The following CDC42BPA variants were observed in gnomAD, a reference collection of about 807,000 sequenced individuals.
CDC42BPA encodes serine/threonine-protein kinase MRCK alpha.
Under a neutral mutation model 223.5 loss-of-function variants are expected in CDC42BPA, and 80 were observed. The observed-to-expected ratio is 0.36, with a 90% CI of 0.30 to 0.43. The LOEUF (loss-of-function observed/expected upper bound fraction) is 0.43. CDC42BPA is among the 20% of genes least tolerant of loss of function. The probability of loss-of-function intolerance (pLI) is 1.00; values close to 1 mark genes in which losing one functional copy is unlikely to be tolerated. For missense variants in CDC42BPA, 1,743 were observed against 2,099.9 expected, an observed-to-expected ratio of 0.83 and a Z score of 3.32; for synonymous variants, 694 against 718.6, an observed-to-expected ratio of 0.97 and a Z score of 0.55.
intron 2 of CDC42BPA, among the ~76,000 whole-genome samples, chr1:227,249,579 GA>G (rs1157043699): frequency 1.1e-4 from 17 of 151,880 alleles, no homozygotes; most frequent in African/African-American, 3.9e-4. Flanking sequence ...AATATACAAG[GA>G]ATTCAAACAA....
intron 2 of CDC42BPA, among the ~76,000 whole-genome samples, chr1:227,227,201 T>G (rs1677009050): frequency 6.6e-6 from 1 of 152,024 alleles, no homozygotes; most frequent in Non-Finnish European, 1.5e-5. Context: ...CTTTCATATT[T>G]TTCAAGAAAA....
At position 227,162,485 on chromosome 1, in the gene CDC42BPA, C is replaced by T. The variant is rs192553309; in HGVS notation, c.600-1849G>A. 1.6e-3 allele frequency among the ~76,000 whole-genome samples: 237 copies of T among 152,242 alleles called. 2 individuals are homozygous for T. Among genetic ancestry groups the T allele is most frequent in the African/African-American group, 5.4e-3 (226 of 41,534 alleles). ...TTTTAAAATGTCTTTATAAATGACA[C>T]CAAACTGTGCATTGCCTTTTGCAAC... On this transcript the variant is annotated intron_variant, in intron 5 of 36. Coordinates refer to ENST00000366766, the MANE Select transcript of CDC42BPA (RefSeq NM_001394014.1).
intron 15 of CDC42BPA, among the ~76,000 whole-genome samples, chr1:227,100,777 T>TGTGTGTGTGTGTGTGTGTGTGTGCGC (rs777124731): frequency 1.9e-4 from 25 of 128,510 alleles, no homozygotes; most frequent in African/African-American, 6.8e-4. Flanking sequence ...TGTGTGTGTG[T>TGTGTGTGTGTGTGTGTGTGTGTGCGC]GCGTGTGCCA....
chr1:227,046,163 C>T (rs1672405655), intron 23 of CDC42BPA, among the ~76,000 whole-genome samples: 1 of 152,054 alleles, frequency 6.6e-6, no homozygotes, highest in Admixed American at 6.5e-5. Flanking sequence ...GGAATCTTAA[C>T]ATTTTTAAGA....
intron 33 of CDC42BPA, among the ~76,000 whole-genome samples, chr1:227,016,502 T>C (rs567146346): frequency 4.5e-4 from 69 of 152,302 alleles, no homozygotes; most frequent in African/African-American, 1.6e-3. Flanking sequence ...TAAAAATGAT[T>C]GGTAACACTT....
At chr1:227,316,319 T>C (rs896406530) in intron 1 of CDC42BPA, among the ~76,000 whole-genome samples, 6 of 152,174 alleles carry the variant, frequency 3.9e-5, no homozygotes, top group Non-Finnish European at 8.8e-5. Flanking sequence ...CTAAATCACA[T>C]CTATATTTAG....
intron 10 of CDC42BPA, among the ~76,000 whole-genome samples, chr1:227,137,728 C>CA (rs1416662579): frequency 6.7e-6 from 1 of 148,866 alleles, no homozygotes; most frequent in East Asian, 2.0e-4. Flanking sequence ...GGGTGAATTT[C>CA]AAAAAACAAG....
chr1:227,168,145 A>G (rs1665380397), intron 5 of CDC42BPA, among the ~76,000 whole-genome samples: 1 of 152,040 alleles, frequency 6.6e-6, no homozygotes, highest in Non-Finnish European at 1.5e-5. Context: ...GGCTGGTCTC[A>G]AACTCCTAAC....
intron 1 of CDC42BPA, among the ~76,000 whole-genome samples, chr1:227,257,044 T>G (rs574974762): frequency 7.2e-5 from 11 of 151,956 alleles, no homozygotes; most frequent in African/African-American, 2.7e-4. Context: ...TGCTATAATG[T>G]GGATAAATCT....
At chr1:227,186,389 C>A (rs1668777351) in intron 5 of CDC42BPA, among the ~76,000 whole-genome samples, 1 of 152,102 alleles carries the variant, frequency 6.6e-6, no homozygotes, top group African/African-American at 2.4e-5. Context: ...AGAGCCTAAT[C>A]TGTTTGGAAT....
At chr1:227,004,060 T>A (rs538407739) in intron 35 of CDC42BPA, 1 of 151,952 alleles carries the variant, frequency 6.6e-6, no homozygotes, top group South Asian at 2.1e-4. Context: ...ATACATTTTT[T>A]TTTTTTTTTT....
intron 2 of CDC42BPA, among the ~76,000 whole-genome samples, chr1:227,244,440 A>C (rs557276339): frequency 1.2e-4 from 18 of 145,042 alleles, no homozygotes; most frequent in African/African-American, 4.6e-4. Context: ...AAGCAAAAAA[A>C]ATCTATGGTG....
chr1:227,308,736 T>C (rs933037148), intron 1 of CDC42BPA, among the ~76,000 whole-genome samples: 1 of 152,206 alleles, frequency 6.6e-6, no homozygotes, highest in Non-Finnish European at 1.5e-5. Flanking sequence ...TTTTCCAGTA[T>C]ATTGGTTTAG....
In CDC42BPA at chr1:227,317,092, A is replaced by ATG; in HGVS notation, c.89_90dup (p.Leu31HisfsTer18). On this transcript the variant is annotated frameshift_variant, in exon 1 of 37. Transcript: ENST00000366766. LOFTEE classifies it high-confidence loss of function. ...TAAAGGCAGATGAGTATATCCAGTA[A>ATG]TGTCTCCACACTGAAGCACTGCCCA... 1 of 1,614,050 alleles carries ATG rather than the reference A, an allele frequency of 6.2e-7. No individual in the cohort carries two copies. Among genetic ancestry groups the ATG allele is most frequent in the Non-Finnish European group, 8.5e-7 (1 of 1,179,936 alleles).
At chr1:227,302,238 T>C (rs1288129831) in intron 1 of CDC42BPA, among the ~76,000 whole-genome samples, 1 of 152,212 alleles carries the variant, frequency 6.6e-6, no homozygotes, top group Non-Finnish European at 1.5e-5. Context: ...AATCAACTCA[T>C]TCCAGTTTGC....
intron 1 of CDC42BPA, among the ~76,000 whole-genome samples, chr1:227,262,417 CAGAG>C (rs957697208): frequency 6.6e-6 from 1 of 151,948 alleles, no homozygotes; most frequent in Admixed American, 6.6e-5. Flanking sequence ...GGGGAAAGTA[CAGAG>C]AGAGAATCAT....
chr1:227,168,497 G>GTTTTTTTTTTTTTTTTTT (rs1292387936), intron 5 of CDC42BPA, among the ~76,000 whole-genome samples: 1,266 of 80,090 alleles, frequency 0.016, 216 homozygotes, highest in East Asian at 0.022. Context: ...CTTCCCTGGT[G>GTTTTTTTTTTTTTTTTTT]TTTTTTTTTT....
chr1:227,284,883 T>C (rs969531975), intron 1 of CDC42BPA, among the ~76,000 whole-genome samples: 1 of 151,596 alleles, frequency 6.6e-6, no homozygotes, highest in African/African-American at 2.4e-5. Flanking sequence ...GATCGCTTGA[T>C]TCCAGGAGGA....
At chr1:227,062,585 A>G (rs1404333546) in intron 21 of CDC42BPA, among the ~76,000 whole-genome samples, 1 of 152,216 alleles carries the variant, frequency 6.6e-6, no homozygotes, top group East Asian at 1.9e-4. Context: ...TTTGCTTAGC[A>G]TAAGACTTCA....
Sources: gnomAD v4.1 joint callset for allele counts (sites outside exome capture counted in the v4.1 genomes callset) on GRCh38, gnomAD v4.1.1 for gene constraint, MANE v1.5 for transcripts, NCBI Gene and HGNC (gene_info 2026-07-23, HGNC 2026-07-21) for gene names.